Variants in EPB41L5 observed in about 807,000 individuals in gnomAD.
EPB41L5 encodes the protein band 4.1-like protein 5.
A neutral mutation model predicts 106.6 loss-of-function variants in EPB41L5; 55 were observed. The observed-to-expected ratio is 0.52, with a 90% CI of 0.42 to 0.65. The LOEUF is 0.65. Among genes scored for constraint, EPB41L5 ranks in the 30% least tolerant of loss-of-function variants. EPB41L5 has a pLI of 0.00. For synonymous variants in EPB41L5, 297 were observed against 306.7 expected (o/e 0.97, Z 0.33); for missense variants, 871 against 882.1 (o/e 0.99, Z 0.16).
Position 120,090,363 on chromosome 2 carries a change from A to T in EPB41L5, c.890A>T (p.His297Leu). Residue 297 changes from histidine (H) to leucine (L), a missense_variant, in exon 12 of 25, where the codon CAT becomes CTT. His to Leu is a moderately conservative substitution (Grantham distance 99). Transcript: ENST00000263713. ...CTTTTTCAGGGCAAAGAACAGGAAC[A>T]TACATTTGTCTTTAGACTGGATCAT... is the stretch of plus-strand genomic sequence containing the variant. ...EDDDQGKEQE[H>L]TFVFRLDHPK... 1 of 1,608,268 alleles carries T rather than the reference A, an allele frequency of 6.2e-7. No individual in the cohort carries two copies. The highest frequency in any genetic ancestry group is 8.5e-7 in the Non-Finnish European group (1 of 1,178,394).
At chr2:120,023,084 C>G (rs1469245801) in intron 2 of EPB41L5, among the ~76,000 whole-genome samples, 1 of 152,066 alleles carries the variant, frequency 6.6e-6, no homozygotes, top group African/African-American at 2.4e-5. Context: ...GATATTAGCC[C>G]TTTGTCAGAT....
intron 10 of EPB41L5, 27 bp downstream of exon 10, chr2:120,078,608 C>T (rs376968467): frequency 2.0e-5 from 30 of 1,492,688 alleles, no homozygotes; most frequent in Non-Finnish European, 2.8e-5. Context: ...GTCAAAGATA[C>T]TTACTGTTGT....
chr2:120,146,668 T>TG (rs1686420653), intron 20 of EPB41L5, among the ~76,000 whole-genome samples: 1 of 152,218 alleles, frequency 6.6e-6, no homozygotes, highest in South Asian at 2.1e-4. Flanking sequence ...CACAGTAATG[T>TG]AGTTAACTTT....
chr2:120,071,783 T>A (rs562414331), intron 3 of EPB41L5, among the ~76,000 whole-genome samples: 2 of 152,276 alleles, frequency 1.3e-5, no homozygotes, highest in East Asian at 3.9e-4. Context: ...TAACTCAAGA[T>A]GGATTAAAGA....
intron 20 of EPB41L5, among the ~76,000 whole-genome samples, chr2:120,157,149 C>T (rs1686936376): frequency 6.6e-6 from 1 of 152,124 alleles, no homozygotes; most frequent in African/African-American, 2.4e-5. Flanking sequence ...CAAAACCATA[C>T]AGTTACATGG....
At chr2:120,076,018 C>T (rs1023627219) in intron 7 of EPB41L5, among the ~76,000 whole-genome samples, 18 of 152,130 alleles carry the variant, frequency 1.2e-4, no homozygotes, top group Non-Finnish European at 2.2e-4. Flanking sequence ...ATTGGGCCTT[C>T]GGCTAACTTT....
In EPB41L5 at chr2:120,087,228, A is replaced by T. The variant is rs757551674; in HGVS notation, c.861A>T (p.Glu287Asp). 80 of 1,568,848 alleles carry T rather than the reference A, an allele frequency of 5.1e-5. No individual in the cohort carries two copies. Among genetic ancestry groups the T allele is most frequent in the African/African-American group, 1.1e-4 (8 of 73,944 alleles). Reference sequence around the variant, plus strand: ...ATAAATTAACCTTGGTGGTTGTAGAAGATGATGATCAGGTAGGAATAAAAT... The same window carrying T: ...ATAAATTAACCTTGGTGGTTGTAGATGATGATGATCAGGTAGGAATAAAAT... Reference protein sequence around the residue: ...KKNKLTLVVVEDDDQGKEQEH... With the variant: ...KKNKLTLVVVDDDDQGKEQEH... Residue 287 changes from glutamate (E) to aspartate (D), a missense_variant, in exon 11 of 25, where the codon GAA becomes GAT. Coordinates refer to ENST00000263713, the MANE Select transcript of EPB41L5 (RefSeq NM_020909.4).
Position 120,082,626 on chromosome 2 carries a change from C to T in EPB41L5, c.803+4045C>T, listed in dbSNP as rs574851929. Among the ~76,000 whole-genome samples, 3 of 152,214 alleles carry T rather than the reference C, an allele frequency of 2.0e-5. No individual in the cohort carries two copies. The East Asian group carries it at 5.8e-4, about 29-fold the overall frequency. ...AGGATGATGCTGGCCTCATAAAATG[C>T]GTTAGGGAAGATTCCCTCTTTTTCT... On this transcript the variant is annotated intron_variant, in intron 10 of 24. Transcript: ENST00000263713.
intron 3 of EPB41L5, among the ~76,000 whole-genome samples, chr2:120,046,408 T>G (rs1679777915): frequency 6.6e-6 from 1 of 152,166 alleles, no homozygotes; most frequent in African/African-American, 2.4e-5. Flanking sequence ...TGATGGCCAG[T>G]GATGATGAGC....
chr2:120,099,381 AGT>A (rs1260118122), intron 14 of EPB41L5, among the ~76,000 whole-genome samples: 7 of 149,500 alleles, frequency 4.7e-5, no homozygotes, highest in Non-Finnish European at 5.9e-5. Context: ...GGTTTTTTCA[AGT>A]GCTTTTTGTG....
intron 14 of EPB41L5, among the ~76,000 whole-genome samples, chr2:120,099,773 G>A (rs1684021414): frequency 6.6e-6 from 1 of 152,128 alleles, no homozygotes; most frequent in African/African-American, 2.4e-5. Flanking sequence ...GGAGAGGAAG[G>A]TGTACACAGA....
chr2:120,171,587 G>C (rs1327807474), intron 24 of EPB41L5, among the ~76,000 whole-genome samples: 2 of 152,192 alleles, frequency 1.3e-5, no homozygotes, highest in Admixed American at 6.5e-5. Context: ...TCAGTTTCCT[G>C]AATGCTGTTA....
chr2:120,039,977 G>A (rs1254867465), intron 2 of EPB41L5, among the ~76,000 whole-genome samples: 1 of 151,922 alleles, frequency 6.6e-6, no homozygotes, highest in Non-Finnish European at 1.5e-5. Flanking sequence ...TTTGAACTTG[G>A]AAGGTAGAGC....
At chr2:120,075,432 C>T (rs778219868) in intron 5 of EPB41L5, 44 bp from the exon 6 acceptor site, 6 of 1,403,998 alleles carry the variant, frequency 4.3e-6, no homozygotes, top group East Asian at 2.3e-5. Flanking sequence ...TTTTCACAGT[C>T]GATTGTGCTG....
chr2:120,042,995 ATGTGTGTGTG>A (rs60253351), intron 3 of EPB41L5, among the ~76,000 whole-genome samples: 2,870 of 70,002 alleles, frequency 0.041, 59 homozygotes, highest in Admixed American at 0.074. Context: ...TTTTCTGGAA[ATGTGTGTGTG>A]TGTGTGTGTG....
At chr2:120,066,470 C>T (rs1713065) in intron 3 of EPB41L5, among the ~76,000 whole-genome samples, 39,699 of 151,928 alleles carry the variant, frequency 0.26, 5,605 homozygotes, top group African/African-American at 0.35. Context: ...CATTATTTTT[C>T]GTGGATATAT....
At chr2:120,061,244 A>G (rs1292738759) in intron 3 of EPB41L5, among the ~76,000 whole-genome samples, 2 of 138,268 alleles carry the variant, frequency 1.4e-5, no homozygotes, top group African/African-American at 2.7e-5. Context: ...TTTTTTTGAG[A>G]CGGAGTCTCG....
chr2:120,138,325 G>T lies in EPB41L5; in HGVS notation c.1600-4678G>T, dbSNP rs2105484059. Among the ~76,000 whole-genome samples, 3 of 152,060 alleles carry T rather than the reference G, an allele frequency of 2.0e-5. No individual in the cohort carries two copies. In the South Asian group the frequency reaches 6.2e-4, roughly 32 times the overall value. On this transcript the variant is annotated intron_variant, in intron 18 of 24. Coordinates refer to ENST00000263713, the MANE Select transcript of EPB41L5 (RefSeq NM_020909.4). ...CCCACTTTCACTGCTGTTATTCAGT[G>T]TAGTACTGGAAGACCTAGCTAGAGC...
intron 11 of EPB41L5, 102 bp from the exon 12 acceptor site, chr2:120,090,245 C>A: frequency 1.1e-6 from 1 of 919,062 alleles, no homozygotes; most frequent in Non-Finnish European, 1.6e-6. Context: ...TTTCAGGGAG[C>A]ACACTAGATC....
Sources: allele counts gnomAD v4.1 joint callset (sites outside exome capture counted in the v4.1 genomes callset), GRCh38; gene constraint gnomAD v4.1.1; transcripts MANE v1.5; gene names NCBI Gene and HGNC (gene_info 2026-07-23, HGNC 2026-07-21).